The following KANSL1 variants were observed in gnomAD, a reference collection of about 807,000 sequenced individuals.
The protein encoded by KANSL1 is KAT8 regulatory NSL complex subunit 1, also known as MLL1/MLL complex subunit KANSL1.
KANSL1 carries 22 observed loss-of-function variants against 103.6 expected under a neutral mutation model. That is an observed-to-expected ratio of 0.21 (90% CI 0.15 to 0.30). The LOEUF is 0.30. KANSL1 is among the 10% of genes least tolerant of loss of function. The pLI is 1.00. For missense variants in KANSL1, 1,337 were observed against 1,399.8 expected (o/e 0.96, Z 0.72); for synonymous variants, 600 against 527.6 (o/e 1.14, Z -1.88).
At chr17:46,140,131 C>CACAT (rs952484907) in intron 2 of KANSL1, among the ~76,000 whole-genome samples, 9 of 152,270 alleles carry the variant, frequency 5.9e-5, no homozygotes, top group Non-Finnish European at 1.2e-4. Context: ...TATACACATA[C>CACAT]ACATACATAC....
chr17:46,132,206 G>C (rs2043897104), intron 2 of KANSL1, among the ~76,000 whole-genome samples: 1 of 152,072 alleles, frequency 6.6e-6, no homozygotes, highest in Non-Finnish European at 1.5e-5. Flanking sequence ...TTGGTCAAGA[G>C]AAAGGTCAGG....
At chr17:46,144,241 A>G (rs1280025311) in intron 2 of KANSL1, among the ~76,000 whole-genome samples, 1 of 152,244 alleles carries the variant, frequency 6.6e-6, no homozygotes, top group Non-Finnish European at 1.5e-5. Flanking sequence ...GCACAGTTCT[A>G]GACTTCCTAT....
chr17:46,211,272 T>C (rs1388296767), intron 1 of KANSL1, among the ~76,000 whole-genome samples: 1 of 146,792 alleles, frequency 6.8e-6, no homozygotes, highest in Non-Finnish European at 1.5e-5. Flanking sequence ...CCAAATCCTA[T>C]TAGGAAAAAA....
chr17:46,183,278 ATT>A (rs68180932), intron 1 of KANSL1, among the ~76,000 whole-genome samples: 6 of 149,106 alleles, frequency 4.0e-5, no homozygotes, highest in Non-Finnish European at 3.0e-5. Flanking sequence ...AAAAACACTA[ATT>A]TTTTTTTTTT....
intron 6 of KANSL1, among the ~76,000 whole-genome samples, chr17:46,061,412 C>T (rs2078153335): frequency 6.6e-6 from 1 of 152,020 alleles, no homozygotes; most frequent in African/African-American, 2.4e-5. Flanking sequence ...TTCACTTAGG[C>T]ACTGGGCCAG....
intron 2 of KANSL1, among the ~76,000 whole-genome samples, chr17:46,145,656 T>C (rs1161321912): frequency 6.6e-6 from 1 of 152,236 alleles, no homozygotes; most frequent in Non-Finnish European, 1.5e-5. Context: ...CCCCTTCTGT[T>C]ATGAACTAGG....
chr17:46,097,016 G>A (rs1247505365), intron 2 of KANSL1, among the ~76,000 whole-genome samples: 3 of 152,160 alleles, frequency 2.0e-5, no homozygotes, highest in African/African-American at 4.8e-5. Flanking sequence ...CCAAAGACAC[G>A]AGCCACTATG....
intron 3 of KANSL1, among the ~76,000 whole-genome samples, chr17:46,092,419 C>T (rs541775345): frequency 1.3e-5 from 2 of 152,210 alleles, no homozygotes; most frequent in East Asian, 1.9e-4. Context: ...ACTGACACTG[C>T]CAAAATACTT....
intron 7 of KANSL1, chr17:46,045,215 G>A (rs890816623): frequency 1.3e-5 from 2 of 152,122 alleles, no homozygotes; most frequent in African/African-American, 2.4e-5. Flanking sequence ...TTATTTACAC[G>A]GGATATTATG....
chr17:46,209,301 C>T (rs2048083562), intron 1 of KANSL1, among the ~76,000 whole-genome samples: 1 of 152,132 alleles, frequency 6.6e-6, no homozygotes, highest in Admixed American at 6.5e-5. Context: ...AGCAAGACAG[C>T]TGATATTATA....
intron 2 of KANSL1, among the ~76,000 whole-genome samples, chr17:46,129,406 C>T (rs560850048): frequency 4.3e-4 from 65 of 152,302 alleles, no homozygotes; most frequent in African/African-American, 1.4e-3. Flanking sequence ...GAAAATGGAA[C>T]GTATATATAT....
chr17:46,190,778 A>C (rs2047277481), intron 1 of KANSL1, among the ~76,000 whole-genome samples: 1 of 152,282 alleles, frequency 6.6e-6, no homozygotes, highest in Non-Finnish European at 1.5e-5. Context: ...GGAACGGCAC[A>C]CTTTGTTGCA....
intron 2 of KANSL1, among the ~76,000 whole-genome samples, chr17:46,115,244 G>C (rs2042992933): frequency 2.6e-5 from 4 of 152,096 alleles, no homozygotes; most frequent in Admixed American, 6.5e-5. Flanking sequence ...ATTTTTAGTA[G>C]AGATGGGATT....
At chr17:46,102,201 T>C (rs2042351397) in intron 2 of KANSL1, among the ~76,000 whole-genome samples, 1 of 152,256 alleles carries the variant, frequency 6.6e-6, no homozygotes, top group Non-Finnish European at 1.5e-5. Flanking sequence ...ACCTAGGTTG[T>C]GTCAGCTTTC....
chr17:46,079,486 G>A (rs2078906805), intron 4 of KANSL1, among the ~76,000 whole-genome samples: 1 of 152,162 alleles, frequency 6.6e-6, no homozygotes, highest in African/African-American at 2.4e-5. Flanking sequence ...ACGCTGACAA[G>A]TTAAAGTTGG....
chr17:46,032,940 T>C, intron 13 of KANSL1, 140 bp downstream of exon 13: 1 of 641,654 alleles, frequency 1.6e-6, no homozygotes. Context: ...CCAAGGAAAT[T>C]CTGAGCTATT....
chr17:46,108,305 A>G (rs1329491350), intron 2 of KANSL1, among the ~76,000 whole-genome samples: 2 of 152,132 alleles, frequency 1.3e-5, no homozygotes, highest in Non-Finnish European at 2.9e-5. Flanking sequence ...TGAACATGTT[A>G]GGCAAGCTGT....
intron 2 of KANSL1, among the ~76,000 whole-genome samples, chr17:46,100,365 A>T (rs1333116504): frequency 1.4e-5 from 2 of 146,156 alleles, no homozygotes; most frequent in African/African-American, 5.0e-5. Flanking sequence ...TGAATCCAGG[A>T]GGTGACGGAG....
At chr17:46,185,353 T>G (rs756691265) in intron 1 of KANSL1, among the ~76,000 whole-genome samples, 1 of 152,192 alleles carries the variant, frequency 6.6e-6, no homozygotes, top group Non-Finnish European at 1.5e-5. Flanking sequence ...CTTCACCCAC[T>G]ACAAGTTCCA....
Sources: allele counts gnomAD v4.1 joint callset (sites outside exome capture counted in the v4.1 genomes callset), GRCh38; gene constraint gnomAD v4.1.1; transcripts MANE v1.5; gene names NCBI Gene and HGNC (gene_info 2026-07-23, HGNC 2026-07-21).